The following WDFY2 variants were observed in gnomAD, a reference collection of about 807,000 sequenced individuals.
WDFY2 encodes WD repeat and FYVE domain-containing protein 2.
A neutral mutation model predicts 56.4 loss-of-function variants in WDFY2; 36 were observed. That is an observed-to-expected ratio of 0.64 (90% CI 0.49 to 0.84). WDFY2 has a LOEUF of 0.84. Ranked by LOEUF, WDFY2 falls within the 40% of genes least tolerant of loss-of-function variation. The pLI is 0.00. For synonymous variants in WDFY2, 176 were observed against 183.7 expected, an observed-to-expected ratio of 0.96 and a Z score of 0.34; for missense variants, 444 against 512.2, an observed-to-expected ratio of 0.87 and a Z score of 1.29.
intron 4 of WDFY2, among the ~76,000 whole-genome samples, chr13:51,717,373 T>C (rs1952378669): frequency 6.6e-6 from 1 of 152,040 alleles, no homozygotes; most frequent in Non-Finnish European, 1.5e-5. Flanking sequence ...TCAGGGAGAA[T>C]AGGGTTTTGA....
At chr13:51,719,095 T>G (rs1246339900) in intron 4 of WDFY2, 103 bp from the exon 5 acceptor site, 2 of 1,510,268 alleles carry the variant, frequency 1.3e-6, no homozygotes, top group Non-Finnish European at 9.1e-7. Context: ...CTGTTCAGCT[T>G]ATTCTGGGGT....
chr13:51,591,857 G>C (rs1008139688), intron 1 of WDFY2: 1 of 152,114 alleles, frequency 6.6e-6, no homozygotes, highest in Non-Finnish European at 1.5e-5. Context: ...CCCCACCCCT[G>C]GCCTGGCCTG....
chr13:51,687,301 G>A (rs1956077748), intron 3 of WDFY2, among the ~76,000 whole-genome samples: 1 of 151,854 alleles, frequency 6.6e-6, no homozygotes, highest in Admixed American at 6.6e-5. Context: ...TCTTGTTTAT[G>A]TTGCATTTAC....
intron 1 of WDFY2, among the ~76,000 whole-genome samples, chr13:51,647,804 T>C (rs763516597): frequency 6.6e-5 from 10 of 150,660 alleles, no homozygotes; most frequent in Non-Finnish European, 1.3e-4. Flanking sequence ...GGGACCACCA[T>C]TATATATGTG....
chr13:51,759,791 A>G lies in WDFY2; in HGVS notation c.*22A>G, dbSNP rs745840774. On this transcript the variant is annotated 3_prime_UTR_variant, in exon 12 of 12. Coordinates refer to ENST00000298125, the MANE Select transcript of WDFY2 (RefSeq NM_052950.4). ...TTGATGACTCTCCCAGGAATCAGAA[A>G]GATAGTATTTACTAAAGAAACGGTT... 5 of 1,613,108 alleles carry G rather than the reference A, an allele frequency of 3.1e-6. No homozygotes were observed. In the Admixed American group the frequency reaches 6.7e-5, roughly 22 times the overall value.
At chr13:51,603,262 G>C (rs1478138249) in intron 1 of WDFY2, among the ~76,000 whole-genome samples, 1 of 152,170 alleles carries the variant, frequency 6.6e-6, no homozygotes, top group Non-Finnish European at 1.5e-5. Flanking sequence ...CCCAACCACT[G>C]CATGTTTCCT....
rs531904740 is a variant in WDFY2 at position 51,690,881 on chromosome 13, T to C, written c.280-12715T>C. ...TGTTGTTTCCTGACTTTTTAATGAT[T>C]GCCATTCTAACTGGTGTGAGATGGT... On this transcript the variant is annotated intron_variant, in intron 3 of 11. Transcript: ENST00000298125. 3.3e-5 allele frequency among the ~76,000 whole-genome samples: 5 copies of C among 152,304 alleles called. No homozygotes were observed. In the South Asian group the frequency reaches 6.2e-4, roughly 19 times the overall value.
chr13:51,602,212 A>G (rs548449581), intron 1 of WDFY2, among the ~76,000 whole-genome samples: 1 of 152,222 alleles, frequency 6.6e-6, no homozygotes, highest in Non-Finnish European at 1.5e-5. Flanking sequence ...GGTCCCATAG[A>G]TTATAATGGA....
intron 6 of WDFY2, among the ~76,000 whole-genome samples, chr13:51,734,560 C>T (rs539903562): frequency 3.3e-5 from 5 of 152,108 alleles, no homozygotes; most frequent in African/African-American, 9.6e-5. Context: ...TGATAAAATA[C>T]GTGTAACCTG....
chr13:51,635,808 ATGAATGCTCAATATGT>A, intron 1 of WDFY2, among the ~76,000 whole-genome samples: 1 of 152,376 alleles, frequency 6.6e-6, no homozygotes, highest in African/African-American at 2.4e-5. Context: ...TCTGAAAATA[ATGAATGCTCAATATGT>A]TATTAGTCCT....
chr13:51,696,023 A>T (rs761468322), intron 3 of WDFY2, among the ~76,000 whole-genome samples: 9 of 152,174 alleles, frequency 5.9e-5, no homozygotes, highest in Non-Finnish European at 1.3e-4. Flanking sequence ...TTTAAAGCCC[A>T]TCGGAAAAGT....
At chr13:51,617,086 T>C (rs1286197795) in intron 1 of WDFY2, among the ~76,000 whole-genome samples, 2 of 152,220 alleles carry the variant, frequency 1.3e-5, no homozygotes, top group Admixed American at 6.5e-5. Flanking sequence ...CTCTCAAACA[T>C]GTTTATTCCA....
intron 1 of WDFY2, among the ~76,000 whole-genome samples, chr13:51,659,409 T>G (rs547849775): frequency 3.9e-5 from 6 of 152,314 alleles, no homozygotes; most frequent in African/African-American, 1.2e-4. Flanking sequence ...CTTAAGAGTG[T>G]GGGGTGAGGT....
chr13:51,585,171 G>A, intron 1 of WDFY2, among the ~76,000 whole-genome samples: 1 of 152,192 alleles, frequency 6.6e-6, no homozygotes, highest in East Asian at 1.9e-4. Flanking sequence ...TTGCAGGTGT[G>A]TGCTTGGGGA....
intron 3 of WDFY2, among the ~76,000 whole-genome samples, chr13:51,696,299 G>T (rs955129902): frequency 7.2e-5 from 11 of 152,184 alleles, no homozygotes; most frequent in African/African-American, 2.7e-4. Context: ...GACCAGAGCT[G>T]TTCCTTTTTG....
At chr13:51,627,860 C>G (rs1348993015) in intron 1 of WDFY2, among the ~76,000 whole-genome samples, 1 of 152,084 alleles carries the variant, frequency 6.6e-6, no homozygotes, top group Non-Finnish European at 1.5e-5. Flanking sequence ...GAGAGGAGAC[C>G]CACAGTGGGT....
intron 4 of WDFY2, among the ~76,000 whole-genome samples, chr13:51,717,776 G>A (rs1952391000): frequency 1.3e-5 from 2 of 152,082 alleles, no homozygotes; most frequent in African/African-American, 4.8e-5. Flanking sequence ...TACTCCGAAA[G>A]CAGTTGTGTA....
intron 2 of WDFY2, among the ~76,000 whole-genome samples, chr13:51,673,841 T>C (rs1278769045): frequency 6.6e-6 from 1 of 152,210 alleles, no homozygotes; most frequent in Non-Finnish European, 1.5e-5. Flanking sequence ...AGAAAGAAGA[T>C]AGTCTGTTAT....
At chr13:51,699,440 C>T (rs1951939152) in intron 3 of WDFY2, among the ~76,000 whole-genome samples, 1 of 152,224 alleles carries the variant, frequency 6.6e-6, no homozygotes, top group Admixed American at 6.5e-5. Context: ...TTGCTTTACC[C>T]TCACTGCTGC....
Sources: allele counts gnomAD v4.1 joint callset (sites outside exome capture counted in the v4.1 genomes callset), GRCh38; gene constraint gnomAD v4.1.1; transcripts MANE v1.5; gene names NCBI Gene and HGNC (gene_info 2026-07-23, HGNC 2026-07-21).